The following PDC variants were observed in gnomAD, a reference collection of about 807,000 sequenced individuals.
PDC encodes phosducin.
In PDC, 19 loss-of-function variants were observed where a neutral mutation model predicts 22.2. The observed-to-expected ratio is 0.86, with a 90% CI of 0.60 to 1.26. The LOEUF (loss-of-function observed/expected upper bound fraction) is 1.26, where lower values mean the gene tolerates loss of function less well. Among genes scored for constraint, PDC ranks in the 50% most tolerant of loss-of-function variants. The probability of loss-of-function intolerance (pLI) is 0.00; values close to 1 mark genes in which losing one functional copy is unlikely to be tolerated. For missense variants in PDC, 274 were observed against 286.8 expected, an observed-to-expected ratio of 0.96 and a Z score of 0.32; for synonymous variants, 97 against 96.2, an observed-to-expected ratio of 1.01 and a Z score of -0.05.
At chr1:186,450,156 A>G (rs967021306) in intron 1 of PDC, among the ~76,000 whole-genome samples, 1 of 152,172 alleles carries the variant, frequency 6.6e-6, no homozygotes, top group Non-Finnish European at 1.5e-5. Flanking sequence ...AACATTCTAT[A>G]ATAGAGTCAT....
At chr1:186,447,383 A>C (rs1312101544) in intron 2 of PDC, among the ~76,000 whole-genome samples, 1 of 152,106 alleles carries the variant, frequency 6.6e-6, no homozygotes, top group East Asian at 1.9e-4. Context: ...TGCTGACCTC[A>C]AGTAATCTGC....
chr1:186,459,790 G>A (rs1292573247), intron 1 of PDC, among the ~76,000 whole-genome samples: 3 of 90,822 alleles, frequency 3.3e-5, no homozygotes, highest in African/African-American at 7.1e-5. Context: ...ATTTAAAATG[G>A]ACTCTATAGT....
intron 1 of PDC, among the ~76,000 whole-genome samples, chr1:186,458,230 T>TG (rs903093020): frequency 2.6e-4 from 36 of 138,240 alleles, no homozygotes; most frequent in African/African-American, 8.4e-4. Context: ...GATATTCTTT[T>TG]TTTTTTTTTT....
In PDC at chr1:186,444,524, A is replaced by T. The variant is rs573528658; in HGVS notation, c.214-18T>A. On this transcript the variant is annotated intron_variant, in intron 3 of 3. Coordinates refer to ENST00000391997, the MANE Select transcript of PDC (RefSeq NM_002597.5). ...ATGCTCATCTGAGAATAAAGAAATG[A>T]TAGAAATTATTAAGTCAGAAGTTTT... 7.3e-6 allele frequency: 11 copies of T among 1,498,864 alleles called. No individual in the cohort carries two copies. The African/African-American group carries it at 8.3e-5, about 11-fold the overall frequency. 92.8% of individuals were successfully genotyped at this position (1,498,864 alleles called of 1,614,324 possible).
At chr1:186,459,752 G>GTGTATATATATATATATATATATATA (rs1299957095) in intron 1 of PDC, among the ~76,000 whole-genome samples, 1 of 112,082 alleles carries the variant, frequency 8.9e-6, no homozygotes, top group Non-Finnish European at 1.9e-5. Context: ...GTGTGTGTGT[G>GTGTATATATATATATATATATATATA]TATATATATA....
intron 1 of PDC, among the ~76,000 whole-genome samples, chr1:186,450,722 A>G (rs1662336647): frequency 2.0e-5 from 3 of 152,118 alleles, no homozygotes; most frequent in East Asian, 3.9e-4. Flanking sequence ...GCCCGCATGT[A>G]GAATCTATTC....
chr1:186,445,281 C>T (rs559316489), intron 3 of PDC, among the ~76,000 whole-genome samples: 2 of 152,250 alleles, frequency 1.3e-5, no homozygotes, highest in African/African-American at 2.4e-5. Context: ...ATTGAGAACA[C>T]GTGAAACTAA....
intron 1 of PDC, among the ~76,000 whole-genome samples, chr1:186,450,654 G>A (rs1662334629): frequency 6.6e-6 from 1 of 152,014 alleles, no homozygotes; most frequent in Non-Finnish European, 1.5e-5. Flanking sequence ...TTTTTGACAG[G>A]CTAAAATAGA....
intron 1 of PDC, among the ~76,000 whole-genome samples, chr1:186,450,327 T>G (rs1225664699): frequency 6.6e-6 from 1 of 151,870 alleles, no homozygotes; most frequent in Non-Finnish European, 1.5e-5. Flanking sequence ...AAGCCTATAG[T>G]ATTTTTTTTT....
intron 1 of PDC, among the ~76,000 whole-genome samples, chr1:186,457,280 T>A (rs867683423): frequency 2.0e-5 from 3 of 152,130 alleles, no homozygotes; most frequent in African/African-American, 7.2e-5. Flanking sequence ...TTATCAGTGG[T>A]GAGAATTTCA....
At chr1:186,457,022 T>C (rs902510853) in intron 1 of PDC, among the ~76,000 whole-genome samples, 1 of 152,208 alleles carries the variant, frequency 6.6e-6, no homozygotes, top group Admixed American at 6.5e-5. Flanking sequence ...CACACTGTGT[T>C]CTAGTCACCC....
chr1:186,460,776 A>G (rs1371909300), intron 1 of PDC, among the ~76,000 whole-genome samples: 1 of 152,200 alleles, frequency 6.6e-6, no homozygotes, highest in Non-Finnish European at 1.5e-5. Flanking sequence ...TAAAATTGCA[A>G]AATGAGTTCT....
intron 1 of PDC, among the ~76,000 whole-genome samples, chr1:186,460,321 G>T (rs1662557667): frequency 1.3e-5 from 2 of 152,060 alleles, no homozygotes; most frequent in Admixed American, 6.5e-5. Context: ...GCTCTCTCTG[G>T]CCTGGAACAT....
At chr1:186,453,683 G>C (rs942282727) in intron 1 of PDC, among the ~76,000 whole-genome samples, 2 of 152,072 alleles carry the variant, frequency 1.3e-5, no homozygotes, top group Non-Finnish European at 2.9e-5. Context: ...ACTTCTTGTT[G>C]TACCTCTTAT....
chr1:186,445,328 C>T (rs930604334), intron 3 of PDC, among the ~76,000 whole-genome samples: 7 of 152,214 alleles, frequency 4.6e-5, no homozygotes, highest in South Asian at 4.1e-4. Context: ...GGGTACTTCA[C>T]GTAGATTATG....
chr1:186,454,176 T>C lies in PDC; in HGVS notation c.-24-4693A>G, dbSNP rs1156267051. On this transcript the variant is annotated intron_variant, in intron 1 of 3. Transcript: ENST00000391997. ...ATTTCTTTCTTTTCTTTCTTTTTTT[T>C]TTTTTTTTTTTTTTTGAGACAGAGT... Among the ~76,000 whole-genome samples the C allele has an allele frequency of 4.2e-5, 6 of 141,532 alleles. No individual in the cohort carries two copies. In the South Asian group the frequency reaches 6.9e-4, roughly 16 times the overall value. 92.9% of individuals were successfully genotyped at this position (141,532 alleles called of 152,430 possible). A position where few individuals can be genotyped will look rare whatever the true frequency, so the allele number is the denominator to read the frequency against.
At chr1:186,458,317 G>C (rs952887921) in intron 1 of PDC, among the ~76,000 whole-genome samples, 1 of 145,644 alleles carries the variant, frequency 6.9e-6, no homozygotes, top group African/African-American at 2.6e-5. Context: ...TGGCATCTGG[G>C]ACAAAAAATT....
chr1:186,451,842 C>T (rs1291856198), intron 1 of PDC: 1 of 152,172 alleles, frequency 6.6e-6, no homozygotes, highest in South Asian at 2.1e-4. Flanking sequence ...TAGGCATTTT[C>T]CTGGGCTCTG....
At chr1:186,451,301 T>C (rs562536302) in intron 1 of PDC, 1 of 152,308 alleles carries the variant, frequency 6.6e-6, no homozygotes, top group Non-Finnish European at 1.5e-5. Context: ...TAAAGAATAT[T>C]ACATTTGAAT....
Sources: gnomAD v4.1 joint callset for allele counts (sites outside exome capture counted in the v4.1 genomes callset) on GRCh38, gnomAD v4.1.1 for gene constraint, MANE v1.5 for transcripts, NCBI Gene and HGNC (gene_info 2026-07-23, HGNC 2026-07-21) for gene names.